Variants in COL4A5 observed in about 807,000 individuals in gnomAD.
COL4A5 encodes the protein collagen type IV alpha 5 chain.
COL4A5 carries 26 observed loss-of-function variants against 130.2 expected under a neutral mutation model. The observed-to-expected ratio is 0.20, with a 90% CI of 0.15 to 0.28. The LOEUF (loss-of-function observed/expected upper bound fraction) is 0.28, where lower values mean the gene tolerates loss of function less well. COL4A5 is among the 10% of genes least tolerant of loss of function. COL4A5 has a pLI of 1.00. For missense variants in COL4A5, 1,131 were observed against 1,344.3 expected, an observed-to-expected ratio of 0.84 and a Z score of 2.48; for synonymous variants, 496 against 439.6, an observed-to-expected ratio of 1.13 and a Z score of -1.60.
rs998938322 is a variant in COL4A5 at position 108,481,605 on chromosome X, C to G, written c.81+41399C>G. ...ATGCCAGAACTCTACATGAGTCAGA[C>G]TATGCTGATTGCTGCTTCGCTTTTG... On this transcript the variant is annotated intron_variant, in intron 1 of 52. Coordinates refer to ENST00000328300, the MANE Select transcript of COL4A5 (RefSeq NM_033380.3). Among the ~76,000 whole-genome samples the G allele has an allele frequency of 7.1e-5, 8 of 112,046 alleles. No individual in the cohort carries two copies. The Admixed American group carries it at 7.5e-4, about 11-fold the overall frequency.
At chrX:108,607,006 C>T in intron 29 of COL4A5, 114 bp downstream of exon 29, 1 of 721,019 alleles carries the variant, frequency 1.4e-6, no homozygotes, top group Non-Finnish European at 2.2e-6. Context: ...TGCTGCCATT[C>T]TGTTACTGCT....
chrX:108,515,571 A>G (rs1296395621), intron 1 of COL4A5, among the ~76,000 whole-genome samples: 2 of 109,280 alleles, frequency 1.8e-5, no homozygotes, highest in Non-Finnish European at 3.8e-5. Flanking sequence ...ATTAAAGGAC[A>G]GTTTTTTTTT....
chrX:108,486,601 A>G (rs1486001146), intron 1 of COL4A5, among the ~76,000 whole-genome samples: 1 of 110,934 alleles, frequency 9.0e-6, no homozygotes, highest in East Asian at 2.9e-4. Context: ...CCCAAAGTCC[A>G]TTGTATCATT....
intron 31 of COL4A5, among the ~76,000 whole-genome samples, chrX:108,621,074 T>C (rs1303225340): frequency 9.1e-6 from 1 of 109,477 alleles, no homozygotes. Context: ...TTTCTTTTCT[T>C]TCTTTCTCTC....
At chrX:108,464,495 G>A (rs1356854489) in intron 1 of COL4A5, among the ~76,000 whole-genome samples, 2 of 111,496 alleles carry the variant, frequency 1.8e-5, no homozygotes, top group Non-Finnish European at 3.8e-5. Context: ...AAATTACCTT[G>A]CACATTTTTA....
intron 1 of COL4A5, among the ~76,000 whole-genome samples, chrX:108,469,169 C>CTCTT (rs1556357561): frequency 7.7e-5 from 6 of 77,676 alleles, no homozygotes; most frequent in Non-Finnish European, 1.2e-4. Context: ...CTCTCTCTCT[C>CTCTT]TTTTTTTTTT....
intron 29 of COL4A5, among the ~76,000 whole-genome samples, chrX:108,609,380 T>C (rs1226433695): frequency 8.9e-6 from 1 of 111,912 alleles, no homozygotes; most frequent in Admixed American, 9.5e-5. Context: ...CTTTTTTATG[T>C]ACTTGTGAGC....
rs2066499100 is a variant in COL4A5 at position 108,595,518 on chromosome X, G to C, written c.1433G>C (p.Gly478Ala). ...ATTATGATTTCACTAGGTGACAAAG[G>C]TGACACTTGCTTCAACTGCATTGGA... The part of the protein sequence containing the change: ...QGEQGVKGDK[G>A]DTCFNCIGTG... The change falls in exon 22 of 53, where the codon GGT becomes GCT. Residue 478 changes from glycine to alanine, a missense_variant. By Grantham distance (60) the Gly-to-Ala change is moderately conservative (BLOSUM62 0). Coordinates refer to ENST00000328300, the MANE Select transcript of COL4A5 (RefSeq NM_033380.3). The C allele has an allele frequency of 8.3e-7, 1 of 1,210,445 alleles. No individual in the cohort carries two copies. Among genetic ancestry groups the C allele is most frequent in the African/African-American group, 1.7e-5 (1 of 57,364 alleles).
rs901692776 is a variant in COL4A5, at chrX:108,597,084, A to G, written c.1587+16A>G. On this transcript the variant is annotated intron_variant, in intron 23 of 52. Transcript: ENST00000328300. ...AGGATTACCAGTAAGTTTTGAGTATATTATAAAACAAAAAGAAGTAGAAGG... is the reference window on the plus strand; with the variant it reads ...AGGATTACCAGTAAGTTTTGAGTATGTTATAAAACAAAAAGAAGTAGAAGG... The G allele has an allele frequency of 6.0e-6, 7 of 1,162,358 alleles. No individual in the cohort carries two copies. The highest frequency in any genetic ancestry group is 2.3e-5 in the Admixed American group (1 of 43,218).
intron 42 of COL4A5, chrX:108,670,615 T>A (rs770415127): frequency 9.5e-4 from 311 of 328,433 alleles, no homozygotes; most frequent in Non-Finnish European, 1.6e-3. Context: ...ATTCTTTTTT[T>A]AAACAATAAT....
intron 2 of COL4A5, among the ~76,000 whole-genome samples, chrX:108,542,612 G>T (rs2065564057): frequency 9.3e-6 from 1 of 107,743 alleles, no homozygotes; most frequent in East Asian, 2.9e-4. Context: ...TAATCCTTTG[G>T]GTATATACCC....
chrX:108,505,597 A>G (rs931254843), intron 1 of COL4A5, among the ~76,000 whole-genome samples: 3 of 111,482 alleles, frequency 2.7e-5, no homozygotes, highest in African/African-American at 6.5e-5. Context: ...AAAAAGAGAC[A>G]CCAGAGAGTT....
rs191991639 is a variant in COL4A5 at position 108,492,890 on chromosome X, G to C, written c.82-46856G>C. 5.4e-5 allele frequency among the ~76,000 whole-genome samples: 6 copies of C among 111,034 alleles called. No individual in the cohort carries two copies. The East Asian group carries it at 1.7e-3, about 32-fold the overall frequency. ...TAGGATTTTTTGGTCTCTGACTTTAGATAAAATGGTATGTATGAACTCTTT... is the reference window on the plus strand; with the variant it reads ...TAGGATTTTTTGGTCTCTGACTTTACATAAAATGGTATGTATGAACTCTTT... On this transcript the variant is annotated intron_variant, in intron 1 of 52. Transcript: ENST00000328300.
At chrX:108,620,916 C>G (rs955505233) in intron 31 of COL4A5, among the ~76,000 whole-genome samples, 19 of 110,965 alleles carry the variant, frequency 1.7e-4, no homozygotes, top group Non-Finnish European at 3.8e-5. Context: ...TCCATGGCAG[C>G]TGGCTTCCAA....
chrX:108,526,716 TCTTTCTTTCTTC>T (rs1166371054), intron 1 of COL4A5, among the ~76,000 whole-genome samples: 1 of 85,145 alleles, frequency 1.2e-5, no homozygotes, highest in Non-Finnish European at 2.3e-5. Flanking sequence ...TTTCTTTCTT[TCTTTCTTTCTTC>T]CTCCTCCTCC....
At chrX:108,682,174 T>C (rs1229315463) in intron 47 of COL4A5, among the ~76,000 whole-genome samples, 1 of 111,442 alleles carries the variant, frequency 9.0e-6, no homozygotes, top group African/African-American at 3.3e-5. Flanking sequence ...TTTCTGTTCC[T>C]GTATTAGTTT....
At chrX:108,610,483 C>T (rs905677433) in intron 29 of COL4A5, among the ~76,000 whole-genome samples, 1 of 111,912 alleles carries the variant, frequency 8.9e-6, no homozygotes, top group Non-Finnish European at 1.9e-5. Flanking sequence ...TAAACTGTAA[C>T]ACTCAAAGTT....
rs952816739 is a variant in COL4A5 at position 108,680,727 on chromosome X, C to T, written c.3991C>T (p.Leu1331Phe). The T allele has an allele frequency of 2.5e-6, 3 of 1,210,293 alleles. No individual in the cohort carries two copies. The highest frequency in any genetic ancestry group is 3.4e-6 in the Non-Finnish European group (3 of 894,342). The change falls in exon 45 of 53, where the codon CTC becomes TTC. Residue 1331 changes from leucine (L) to phenylalanine (F), a missense_variant. Leu to Phe is a conservative substitution (Grantham distance 22). Coordinates refer to ENST00000328300, the MANE Select transcript of COL4A5 (RefSeq NM_033380.3). ...GLNGMKGDPG[L>F]PGVPGFPGMK... is the part of the protein sequence containing the mutation. The stretch of plus-strand genomic sequence containing the variant: ...CAATGGAATGAAAGGAGATCCTGGT[C>T]TCCCTGGTGTTCCAGGATTCCCAGG...
chrX:108,465,464 G>A (rs2064696972), intron 1 of COL4A5, among the ~76,000 whole-genome samples: 1 of 111,373 alleles, frequency 9.0e-6, no homozygotes, highest in Non-Finnish European at 1.9e-5. Flanking sequence ...ATAATTGTAA[G>A]AGTTCTTTAT....
Sources: allele counts gnomAD v4.1 joint callset (sites outside exome capture counted in the v4.1 genomes callset), GRCh38; gene constraint gnomAD v4.1.1; transcripts MANE v1.5; gene names NCBI Gene and HGNC (gene_info 2026-07-23, HGNC 2026-07-21).